Variants in CT45A1 observed in about 807,000 individuals in gnomAD.
CT45A1 encodes cancer/testis antigen family 45 member A1, also known as cancer/testis antigen 45-1.
chrX:135,712,996 C>CCTTCCTTCCTTCCTCTCT (rs1156263810), upstream of CT45A1, among the ~76,000 whole-genome samples: 1,367 of 57,560 alleles, frequency 0.024, 103 homozygotes, highest in African/African-American at 0.083. Flanking sequence ...TTCCTTCCTT[C>CCTTCCTTCCTTCCTCTCT]CTCTCTCTCT....
At chrX:135,715,277 T>C (rs1215623108) in intron 1 of CT45A1, among the ~76,000 whole-genome samples, 1 of 84,128 alleles carries the variant, frequency 1.2e-5, no homozygotes, top group Admixed American at 1.6e-4. Context: ...TATATATATA[T>C]AATACTTATA....
chrX:135,710,758 T>G (rs1458180004), upstream of CT45A1, among the ~76,000 whole-genome samples: 1 of 112,774 alleles, frequency 8.9e-6, no homozygotes, highest in Non-Finnish European at 1.9e-5. Context: ...ATTATTAAAT[T>G]CTGCTCTGCT....
At chrX:135,713,011 C>CTCTCTCTTTCTTTCTTTCTT (rs782125133), upstream of CT45A1, among the ~76,000 whole-genome samples, 11 of 60,397 alleles carry the variant, frequency 1.8e-4, no homozygotes, top group African/African-American at 7.0e-4. Context: ...CTCTCTCTCT[C>CTCTCTCTTTCTTTCTTTCTT]TCTTTCTTTC....
intron 1 of CT45A1, among the ~76,000 whole-genome samples, chrX:135,714,372 C>A (rs1487014094): frequency 9.1e-6 from 1 of 109,590 alleles, no homozygotes; most frequent in African/African-American, 3.3e-5. Flanking sequence ...GAATGGGGTG[C>A]TGTTCCTTGG....
At chrX:135,714,991 A>G (rs1384927269) in intron 1 of CT45A1, among the ~76,000 whole-genome samples, 2 of 107,546 alleles carry the variant, frequency 1.9e-5, no homozygotes, top group African/African-American at 6.7e-5. Flanking sequence ...TATTTGAGTT[A>G]TATACACATG....
intron 1 of CT45A1, among the ~76,000 whole-genome samples, chrX:135,715,865 C>T (rs1248255956): frequency 9.5e-6 from 1 of 105,113 alleles, no homozygotes; most frequent in African/African-American, 3.5e-5. Flanking sequence ...CCCCCTCCCC[C>T]AACAGATCCC....
intron 1 of CT45A1, among the ~76,000 whole-genome samples, chrX:135,717,459 G>A (rs2087996788): frequency 9.0e-6 from 1 of 110,657 alleles, no homozygotes; most frequent in East Asian, 2.8e-4. Flanking sequence ...TGAGGCAGGA[G>A]AATTGCTTGA....
upstream of CT45A1, among the ~76,000 whole-genome samples, chrX:135,712,323 C>T (rs1556569853): frequency 9.5e-6 from 1 of 105,206 alleles, no homozygotes; most frequent in East Asian, 3.0e-4. Flanking sequence ...AGTACACTTT[C>T]AGCTAATTTT....
At chrX:135,715,473 A>G (rs1172827649) in intron 1 of CT45A1, among the ~76,000 whole-genome samples, 1 of 81,494 alleles carries the variant, frequency 1.2e-5, no homozygotes, top group African/African-American at 4.9e-5. Context: ...TATATATAAT[A>G]CTTATATATA....
At chrX:135,714,521 A>C (rs782115640) in intron 1 of CT45A1, among the ~76,000 whole-genome samples, 1 of 109,029 alleles carries the variant, frequency 9.2e-6, no homozygotes, top group East Asian at 2.9e-4. Context: ...GGAACTCTTC[A>C]CCGGGACTCT....
At chrX:135,709,566 C>T (rs1271769984), upstream of CT45A1, among the ~76,000 whole-genome samples, 3 of 112,356 alleles carry the variant, frequency 2.7e-5, no homozygotes, top group African/African-American at 6.5e-5. Flanking sequence ...CTGTGTCTGG[C>T]GAAAACTTCA....
chrX:135,714,714 G>A (rs782256661), intron 1 of CT45A1, among the ~76,000 whole-genome samples: 2 of 110,945 alleles, frequency 1.8e-5, no homozygotes, highest in South Asian at 7.9e-4. Flanking sequence ...GCCGATTAAT[G>A]AGATTGAGCA....
In CT45A1 at chrX:135,715,245, ATACT is replaced by A. The variant is rs1273845052; in HGVS notation, c.-7+1558_-7+1561del. ...TATATATATAATACTTATATATATAATACTTATATATATATAATACTTATATATA... is the reference window on the plus strand; with the variant it reads ...TATATATATAATACTTATATATATAATATATATATATAATACTTATATATA... On this transcript the variant is annotated intron_variant, in intron 1 of 4. Coordinates refer to ENST00000594565, the MANE Select transcript of CT45A1 (RefSeq NM_001017417.3). Among the ~76,000 whole-genome samples the A allele has an allele frequency of 1.5e-4, 12 of 78,644 alleles. 1 individual carries two copies. The Admixed American group carries it at 1.9e-3, about 13-fold the overall frequency. The allele number at this position is 78,644 out of a possible 115,157, so 68.3% of individuals were successfully genotyped here.
At chrX:135,712,631 G>C, upstream of CT45A1, among the ~76,000 whole-genome samples, 1 of 110,682 alleles carries the variant, frequency 9.0e-6, no homozygotes, top group Non-Finnish European at 1.9e-5. Flanking sequence ...CAGTTCAAGT[G>C]ATTCTCCTGC....
At chrX:135,709,413 C>T (rs782302910), upstream of CT45A1, among the ~76,000 whole-genome samples, 3 of 112,184 alleles carry the variant, frequency 2.7e-5, no homozygotes, top group South Asian at 1.1e-3. Flanking sequence ...CAAGCGTGAG[C>T]CACCGCGCCA....
intron 1 of CT45A1, among the ~76,000 whole-genome samples, chrX:135,715,290 T>TAC (rs2087971372): frequency 1.2e-5 from 1 of 84,914 alleles, no homozygotes; most frequent in Non-Finnish European, 2.2e-5. Context: ...TACTTATATA[T>TAC]ATAATACTTA....
At chrX:135,710,489 C>A (rs782745260), upstream of CT45A1, 1 of 111,977 alleles carries the variant, frequency 8.9e-6, no homozygotes, top group African/African-American at 3.2e-5. Flanking sequence ...TATTGTAATC[C>A]ACATACCAAC....
At chrX:135,717,234 G>A (rs1556571891) in intron 1 of CT45A1, among the ~76,000 whole-genome samples, 1 of 111,385 alleles carries the variant, frequency 9.0e-6, no homozygotes, top group African/African-American at 3.3e-5. Context: ...TGACAATAAT[G>A]TCTTTTAATA....
intron 1 of CT45A1, among the ~76,000 whole-genome samples, chrX:135,715,870 G>T (rs1556571454): frequency 1.2e-5 from 1 of 85,079 alleles, no homozygotes; most frequent in African/African-American, 4.7e-5. Flanking sequence ...TCCCCCAACA[G>T]ATCCCACTGT....
Sources: gnomAD v4.1 joint callset for allele counts (sites outside exome capture counted in the v4.1 genomes callset) on GRCh38, gnomAD v4.1.1 for gene constraint, MANE v1.5 for transcripts, NCBI Gene and HGNC (gene_info 2026-07-23, HGNC 2026-07-21) for gene names.